The following GPC6 variants were observed in gnomAD, a reference collection of about 807,000 sequenced individuals.
GPC6 encodes glypican-6.
A neutral mutation model predicts 55.2 loss-of-function variants in GPC6; 14 were observed. The observed-to-expected ratio is 0.25, with a 90% CI of 0.17 to 0.40. The LOEUF (loss-of-function observed/expected upper bound fraction) is 0.40. GPC6 is among the 10% of genes least tolerant of loss of function. GPC6 has a pLI of 1.00. For synonymous variants in GPC6, 278 were observed against 259.6 expected (o/e 1.07, Z -0.68); for missense variants, 641 against 708.5 (o/e 0.90, Z 1.08).
chr13:93,955,939 T>A (rs1879489791), intron 3 of GPC6, among the ~76,000 whole-genome samples: 3 of 152,188 alleles, frequency 2.0e-5, no homozygotes, highest in African/African-American at 7.2e-5. Context: ...GTGTCTTTTC[T>A]GCCTTCATCT....
chr13:93,731,303 C>T (rs1883810934), intron 2 of GPC6, among the ~76,000 whole-genome samples: 1 of 152,148 alleles, frequency 6.6e-6, no homozygotes. Context: ...ACAAAACTCT[C>T]ATGTGTTTTT....
chr13:93,803,945 G>A (rs1281809613), intron 2 of GPC6, among the ~76,000 whole-genome samples: 1 of 152,076 alleles, frequency 6.6e-6, no homozygotes, highest in Non-Finnish European at 1.5e-5. Flanking sequence ...AATGTGTATG[G>A]AATTACTTTC....
chr13:93,591,204 C>G (rs1877457678), intron 2 of GPC6, among the ~76,000 whole-genome samples: 1 of 149,192 alleles, frequency 6.7e-6, no homozygotes, highest in African/African-American at 2.5e-5. Context: ...TGGCTCATGT[C>G]TGTAATCCCA....
At chr13:93,243,566 G>A (rs1876505998) in intron 1 of GPC6, among the ~76,000 whole-genome samples, 1 of 152,176 alleles carries the variant, frequency 6.6e-6, no homozygotes. Context: ...GCAGGTGCGA[G>A]CACCAGCTCT....
In GPC6 at chr13:93,395,190, T is replaced by C. The variant is rs112414935; in HGVS notation, c.161-150073T>C. 6.0e-3 allele frequency: 1,803 copies of C among 298,868 alleles called. 32 individuals are homozygous for C. Among genetic ancestry groups the C allele is most frequent in the African/African-American group, 0.036 (1,658 of 45,756 alleles). The allele number at this position is 298,868 out of a possible 1,614,324, so 18.5% of individuals were successfully genotyped here. A position where few individuals can be genotyped will look rare whatever the true frequency, so the allele number is the denominator to read the frequency against. ...CCACTATGGCTACCATCAAAGTCAC[T>C]GCAACTACTAATGTTTCTTCCATGA... On this transcript the variant is annotated intron_variant, in intron 1 of 8. Coordinates refer to ENST00000377047, the MANE Select transcript of GPC6 (RefSeq NM_005708.5).
chr13:94,343,307 C>T (rs564946628), intron 6 of GPC6, among the ~76,000 whole-genome samples: 36 of 152,266 alleles, frequency 2.4e-4, no homozygotes, highest in African/African-American at 8.2e-4. Context: ...TAAGTGACAC[C>T]GGCTACATGG....
intron 6 of GPC6, among the ~76,000 whole-genome samples, chr13:94,311,360 A>C (rs1260031334): frequency 6.6e-6 from 1 of 152,040 alleles, no homozygotes; most frequent in African/African-American, 2.4e-5. Context: ...GTAGAGACGG[A>C]GTTTCACCAT....
chr13:94,137,666 C>A, intron 4 of GPC6, among the ~76,000 whole-genome samples: 1 of 152,258 alleles, frequency 6.6e-6, no homozygotes, highest in African/African-American at 2.4e-5. Flanking sequence ...AGTATCCCTG[C>A]CATTGAGCTT....
At chr13:93,967,010 T>G (rs1378981571) in intron 3 of GPC6, among the ~76,000 whole-genome samples, 1 of 152,026 alleles carries the variant, frequency 6.6e-6, no homozygotes, top group Admixed American at 6.6e-5. Context: ...ATTTAAACAG[T>G]CTCTCCCTAA....
At chr13:93,432,681 G>A (rs566393158) in intron 1 of GPC6, among the ~76,000 whole-genome samples, 1 of 152,276 alleles carries the variant, frequency 6.6e-6, no homozygotes, top group South Asian at 2.1e-4. Flanking sequence ...CAAGCAGTAA[G>A]TAAAAACAAA....
In GPC6 at chr13:93,364,304, G is replaced by A. The variant is rs74483199; in HGVS notation, c.160+136688G>A. Reference sequence around the variant, plus strand: ...AAATGATTTTTGGTTTAGTCACCACGTGTCATAAGCAGAGCTGAACAGTAA... The same window carrying A: ...AAATGATTTTTGGTTTAGTCACCACATGTCATAAGCAGAGCTGAACAGTAA... On this transcript the variant is annotated intron_variant, in intron 1 of 8. Transcript: ENST00000377047. Among the ~76,000 whole-genome samples the A allele has an allele frequency of 3.5e-3, 536 of 152,170 alleles. 5 individuals carry two copies. Among genetic ancestry groups the A allele is most frequent in the African/African-American group, 0.012 (510 of 41,544 alleles).
intron 4 of GPC6, among the ~76,000 whole-genome samples, chr13:94,250,012 A>G (rs192490039): frequency 6.6e-6 from 1 of 152,254 alleles, no homozygotes; most frequent in Non-Finnish European, 1.5e-5. Flanking sequence ...ATTTTATAAA[A>G]CATACTTGGG....
intron 7 of GPC6, among the ~76,000 whole-genome samples, chr13:94,396,124 T>G (rs2139225466): frequency 6.6e-6 from 1 of 152,322 alleles, no homozygotes; most frequent in Non-Finnish European, 1.5e-5. Flanking sequence ...CTTTATCCCC[T>G]GGGGCCCCCT....
At chr13:93,251,056 A>C (rs1253676125) in intron 1 of GPC6, among the ~76,000 whole-genome samples, 3 of 152,120 alleles carry the variant, frequency 2.0e-5, no homozygotes, top group African/African-American at 7.2e-5. Context: ...TCACTACCAC[A>C]AAACAGTATG....
At chr13:93,276,733 C>T (rs979861857) in intron 1 of GPC6, among the ~76,000 whole-genome samples, 1 of 152,038 alleles carries the variant, frequency 6.6e-6, no homozygotes, top group Non-Finnish European at 1.5e-5. Flanking sequence ...TCCCTTTCCT[C>T]GGGAGTACCT....
intron 7 of GPC6, among the ~76,000 whole-genome samples, chr13:94,383,851 A>G (rs1880285717): frequency 6.6e-6 from 1 of 152,194 alleles, no homozygotes; most frequent in African/African-American, 2.4e-5. Context: ...ATGGCAGAAG[A>G]CAAAGGCGAA....
chr13:93,277,238 T>C (rs1241582917), intron 1 of GPC6, among the ~76,000 whole-genome samples: 2 of 152,156 alleles, frequency 1.3e-5, no homozygotes, highest in Non-Finnish European at 2.9e-5. Flanking sequence ...AGTCCTGGGT[T>C]TAGTGCTGGT....
chr13:94,092,979 C>T (rs1298620525), intron 4 of GPC6, among the ~76,000 whole-genome samples: 2 of 151,998 alleles, frequency 1.3e-5, no homozygotes, highest in African/African-American at 2.4e-5. Context: ...TGTTTTCTGG[C>T]TGAGTTGTTT....
intron 4 of GPC6, among the ~76,000 whole-genome samples, chr13:94,054,312 C>T (rs1343519236): frequency 6.6e-6 from 1 of 152,200 alleles, no homozygotes; most frequent in Admixed American, 6.5e-5. Context: ...TCGCAAAGCC[C>T]AGCCTCTGTG....
Sources: gnomAD v4.1 joint callset for allele counts (sites outside exome capture counted in the v4.1 genomes callset) on GRCh38, gnomAD v4.1.1 for gene constraint, MANE v1.5 for transcripts, NCBI Gene and HGNC (gene_info 2026-07-23, HGNC 2026-07-21) for gene names.